Variants in AUTS2 observed in about 807,000 individuals in gnomAD.
The protein encoded by AUTS2 is activator of transcription and developmental regulator AUTS2.
AUTS2 carries 17 observed loss-of-function variants against 112.4 expected under a neutral mutation model. That is an observed-to-expected ratio of 0.15 (90% CI 0.10 to 0.23). The LOEUF is 0.23. Among genes scored for constraint, AUTS2 ranks in the 10% least tolerant of loss-of-function variants. AUTS2 has a pLI of 1.00. For synonymous variants in AUTS2, 751 were observed against 702.7 expected, an observed-to-expected ratio of 1.07 and a Z score of -1.09; for missense variants, 1,510 against 1,701.6, an observed-to-expected ratio of 0.89 and a Z score of 1.98.
chr7:70,090,189 CTTCAAGTGATATACTACCCA>C (rs902282580), intron 2 of AUTS2, among the ~76,000 whole-genome samples: 70 of 151,400 alleles, frequency 4.6e-4, no homozygotes, highest in Non-Finnish European at 8.8e-4. Flanking sequence ...CAACTTATAC[CTTCAAGTGATATACTACCCA>C]TTCATGTATA....
rs186550726 is a variant in AUTS2, at chr7:70,582,391, C to T, written c.691-116178C>T. ...CTGAGGCCTACGGAGTGGGTTCCCA[C>T]TGGACCCTCTAGCAGCCTGCATTCT... On this transcript the variant is annotated intron_variant, in intron 5 of 18. Transcript: ENST00000342771. Among the ~76,000 whole-genome samples the T allele has an allele frequency of 9.2e-5, 14 of 152,320 alleles. No homozygotes were observed. The East Asian group carries it at 2.7e-3, about 29-fold the overall frequency.
At chr7:70,486,000 A>T (rs1229222863) in intron 5 of AUTS2, among the ~76,000 whole-genome samples, 6 of 105,760 alleles carry the variant, frequency 5.7e-5, no homozygotes, top group South Asian at 2.9e-4. Context: ...AAATAAATAA[A>T]TAATAAATAA....
At chr7:69,947,661 TA>T (rs1796869758) in intron 2 of AUTS2, among the ~76,000 whole-genome samples, 1 of 152,212 alleles carries the variant, frequency 6.6e-6, no homozygotes, top group Non-Finnish European at 1.5e-5. Flanking sequence ...TGAAACAAGT[TA>T]AAATCAAAAC....
chr7:70,134,528 T>C lies in AUTS2; in HGVS notation c.625-8T>C. On this transcript the variant is annotated splice_region_variant and splice_polypyrimidine_tract_variant and intron_variant, in intron 3 of 18. Coordinates refer to ENST00000342771, the MANE Select transcript of AUTS2 (RefSeq NM_015570.4). The stretch of plus-strand genomic sequence containing the variant: ...ATTTTCCACTTTTGTCTTTATGCTT[T>C]ATTGCAGAGTTCAGCTCCTTCCAGC... 6.2e-7 allele frequency: 1 copy of C among 1,613,740 alleles called. No homozygotes were observed. Among genetic ancestry groups the C allele is most frequent in the East Asian group, 2.2e-5 (1 of 44,878 alleles).
chr7:70,296,697 C>A (rs912988973), intron 4 of AUTS2, among the ~76,000 whole-genome samples: 4 of 152,152 alleles, frequency 2.6e-5, no homozygotes, highest in Admixed American at 2.6e-4. Flanking sequence ...CCTTATCAAC[C>A]ATGCTGAGGC....
chr7:70,711,110 G>C (rs1413276674), intron 6 of AUTS2, among the ~76,000 whole-genome samples: 1 of 152,158 alleles, frequency 6.6e-6, no homozygotes, highest in African/African-American at 2.4e-5. Flanking sequence ...TGTTACCCCT[G>C]TGTGGCCAGG....
chr7:69,712,984 T>A (rs1315290791), intron 1 of AUTS2, among the ~76,000 whole-genome samples: 2 of 152,238 alleles, frequency 1.3e-5, no homozygotes, highest in Non-Finnish European at 2.9e-5. Flanking sequence ...ATGTTGAGCA[T>A]CTTTTCATGC....
chr7:70,277,982 G>T (rs964734583), intron 4 of AUTS2, among the ~76,000 whole-genome samples: 1 of 148,642 alleles, frequency 6.7e-6, no homozygotes. Context: ...GTGTGTGTGT[G>T]TATGACAGTA....
chr7:70,090,366 A>AT (rs537366402), intron 2 of AUTS2, among the ~76,000 whole-genome samples: 95 of 148,152 alleles, frequency 6.4e-4, no homozygotes, highest in South Asian at 5.5e-3. Flanking sequence ...CATAATATAA[A>AT]TTTTTTTTTT....
chr7:70,035,319 G>T (rs145076010), intron 2 of AUTS2, among the ~76,000 whole-genome samples: 46 of 152,270 alleles, frequency 3.0e-4, no homozygotes, highest in African/African-American at 1.1e-3. Flanking sequence ...TCCTAATCTG[G>T]AAAGGGGGGA....
intron 4 of AUTS2, among the ~76,000 whole-genome samples, chr7:70,222,764 G>C (rs1481099265): frequency 6.6e-6 from 1 of 152,016 alleles, no homozygotes. Context: ...TACAGTAAGA[G>C]GAGAACTGGC....
At chr7:70,715,798 C>T (rs1810334174) in intron 6 of AUTS2, among the ~76,000 whole-genome samples, 1 of 152,208 alleles carries the variant, frequency 6.6e-6, no homozygotes. Flanking sequence ...TCCCAAAGTG[C>T]TGGGATTTAC....
At chr7:70,397,695 T>C (rs1794150637) in intron 4 of AUTS2, among the ~76,000 whole-genome samples, 1 of 152,030 alleles carries the variant, frequency 6.6e-6, no homozygotes, top group Non-Finnish European at 1.5e-5. Context: ...TGCAAAGATT[T>C]GCTCCTAGTT....
chr7:70,165,665 G>T (rs1808343576), intron 4 of AUTS2, among the ~76,000 whole-genome samples: 1 of 152,196 alleles, frequency 6.6e-6, no homozygotes, highest in South Asian at 2.1e-4. Context: ...TCTTCAGACA[G>T]TAGGAAAACT....
intron 10 of AUTS2, 140 bp from the exon 11 acceptor site, chr7:70,771,409 A>T: frequency 1.7e-6 from 1 of 605,068 alleles, no homozygotes; most frequent in Non-Finnish European, 2.8e-6. Context: ...TGATCATTCC[A>T]TCATGGCTTC....
intron 1 of AUTS2, among the ~76,000 whole-genome samples, chr7:69,600,173 C>G (rs1472127975): frequency 6.6e-6 from 1 of 151,966 alleles, no homozygotes; most frequent in Non-Finnish European, 1.5e-5. Flanking sequence ...TGCCTGGTCT[C>G]GTTTCCTCGC....
chr7:69,659,575 G>T lies in AUTS2; in HGVS notation c.309+59613G>T, dbSNP rs567189996. ...CTATTTTATGGATGGGAAAGCTGAG[G>T]CTTAGTTGTTTTTTTTTTTTTTTTT... is the stretch of plus-strand genomic sequence containing the variant. On this transcript the variant is annotated intron_variant, in intron 1 of 18. Transcript: ENST00000342771. 2.9e-4 allele frequency among the ~76,000 whole-genome samples: 36 copies of T among 123,192 alleles called. 1 individual carries two copies. The South Asian group carries it at 1.0e-2, about 34-fold the overall frequency. 80.8% of individuals were successfully genotyped at this position (123,192 alleles called of 152,430 possible). A position where few individuals can be genotyped will look rare whatever the true frequency, so the allele number is the denominator to read the frequency against.
At chr7:70,514,467 C>T (rs574846846) in intron 5 of AUTS2, among the ~76,000 whole-genome samples, 5 of 152,356 alleles carry the variant, frequency 3.3e-5, no homozygotes, top group African/African-American at 1.2e-4. Context: ...CAATGTATCA[C>T]AGGGGAAGAG....
At chr7:70,152,574 C>T (rs1291116270) in intron 4 of AUTS2, among the ~76,000 whole-genome samples, 1 of 151,876 alleles carries the variant, frequency 6.6e-6, no homozygotes. Context: ...AATCCACAGG[C>T]TAGGAGAACA....
Sources: gnomAD v4.1 joint callset for allele counts (sites outside exome capture counted in the v4.1 genomes callset) on GRCh38, gnomAD v4.1.1 for gene constraint, MANE v1.5 for transcripts, NCBI Gene and HGNC (gene_info 2026-07-23, HGNC 2026-07-21) for gene names.